The following ZRANB3 variants were observed in gnomAD, a reference collection of about 807,000 sequenced individuals.
The protein encoded by ZRANB3 is zinc finger RANBP2-type containing 3, also known as DNA annealing helicase and endonuclease ZRANB3.
Under a neutral mutation model 133.8 loss-of-function variants are expected in ZRANB3, and 125 were observed. The observed-to-expected ratio is 0.93, with a 90% CI of 0.81 to 1.08. ZRANB3 has a LOEUF of 1.08. Among genes scored for constraint, ZRANB3 ranks in the 50% least tolerant of loss-of-function variants. ZRANB3 has a pLI of 0.00. For missense variants in ZRANB3, 1,229 were observed against 1,275.5 expected, an observed-to-expected ratio of 0.96 and a Z score of 0.56; for synonymous variants, 387 against 432.7, an observed-to-expected ratio of 0.89 and a Z score of 1.31.
chr2:135,377,752 T>C (rs567923027), intron 3 of ZRANB3, among the ~76,000 whole-genome samples: 8 of 152,366 alleles, frequency 5.3e-5, no homozygotes, highest in African/African-American at 1.9e-4. Context: ...AGCTTTGTGA[T>C]GGTTAATACT....
chr2:135,442,718 ATAC>A (rs1342932678), intron 2 of ZRANB3, among the ~76,000 whole-genome samples: 1 of 152,200 alleles, frequency 6.6e-6, no homozygotes, highest in Non-Finnish European at 1.5e-5. Context: ...AGGATTATAA[ATAC>A]TACTACTATA....
chr2:135,516,902 G>GGTACACCAATCAAAAA (rs1427794215), intron 1 of ZRANB3, among the ~76,000 whole-genome samples: 5 of 152,026 alleles, frequency 3.3e-5, no homozygotes, highest in Non-Finnish European at 1.5e-5. Context: ...GTCACTTTCA[G>GGTACACCAATCAAAAA]GTACACCAAT....
chr2:135,305,009 C>T (rs563857491), intron 8 of ZRANB3, among the ~76,000 whole-genome samples: 1 of 152,068 alleles, frequency 6.6e-6, no homozygotes, highest in Non-Finnish European at 1.5e-5. Context: ...TGGGGTCTCA[C>T]TATGTCGCCC....
intron 2 of ZRANB3, among the ~76,000 whole-genome samples, chr2:135,428,511 T>C: frequency 6.6e-6 from 1 of 150,620 alleles, no homozygotes; most frequent in Middle Eastern, 3.5e-3. Context: ...TGGGACCTAA[T>C]TAACTAAGGA....
chr2:135,281,391 GT>G (rs1681097057), intron 8 of ZRANB3, among the ~76,000 whole-genome samples: 1 of 151,586 alleles, frequency 6.6e-6, no homozygotes, highest in Admixed American at 6.6e-5. Context: ...TTAGTCACAG[GT>G]AAATTGTGAT....
chr2:135,269,018 A>G lies in ZRANB3; in HGVS notation c.1330T>C (p.Tyr444His), dbSNP rs370567878. ...TCTAGGGTTCCATTTGCAATAAGGT[A>G]GTGAATATTCACAGAACTGCACTGG... ...IGQCSSVNIH[Y>H]LIANGTLDTL... is the part of the protein sequence containing the mutation. The change falls in exon 11 of 21, where the codon TAC becomes CAC. Residue 444 changes from tyrosine to histidine, a missense_variant. Physicochemically the swap from Tyr to His is moderately conservative, Grantham distance 83 (BLOSUM62 2). Transcript: ENST00000264159. The G allele has an allele frequency of 5.6e-6, 9 of 1,612,500 alleles. No individual in the cohort carries two copies. The highest frequency in any genetic ancestry group is 2.2e-5 in the South Asian group (2 of 90,764).
At chr2:135,268,890 C>G in intron 11 of ZRANB3, 72 bp downstream of exon 11, 2 of 1,421,680 alleles carry the variant, frequency 1.4e-6, no homozygotes, top group Non-Finnish European at 1.9e-6. Context: ...CACTAAAACT[C>G]AGCCTCTTAA....
chr2:135,416,645 C>A (rs1472520943), intron 2 of ZRANB3, among the ~76,000 whole-genome samples: 1 of 149,834 alleles, frequency 6.7e-6, no homozygotes, highest in African/African-American at 2.4e-5. Flanking sequence ...GAGCCCGCAT[C>A]GCCAAGTCAA....
rs1156857573 is a variant in ZRANB3, at chr2:135,494,163, A to AAGGG, written c.161+10162_161+10165dup. 3.1e-3 allele frequency among the ~76,000 whole-genome samples: 136 copies of AAGGG among 43,212 alleles called. 1 individual carries two copies. Among genetic ancestry groups the AAGGG allele is most frequent in the Middle Eastern group, 0.025 (1 of 40 alleles). 28.3% of individuals were successfully genotyped at this position (43,212 alleles called of 152,430 possible). A position where few individuals can be genotyped will look rare whatever the true frequency, so the allele number is the denominator to read the frequency against. ...GAAGGAAGGAAGGAAGGAAGGAAGG[A>AAGGG]AGGGAGGGAGGGAGGGAGGGAGGGA... On this transcript the variant is annotated intron_variant, in intron 2 of 20. Transcript: ENST00000264159.
At chr2:135,297,415 G>A (rs914535145) in intron 8 of ZRANB3, among the ~76,000 whole-genome samples, 3 of 152,134 alleles carry the variant, frequency 2.0e-5, no homozygotes, top group Non-Finnish European at 4.4e-5. Flanking sequence ...CGTTTGTGAA[G>A]CCCATTGGAA....
At chr2:135,351,708 A>G (rs1204315769) in intron 4 of ZRANB3, among the ~76,000 whole-genome samples, 1 of 152,180 alleles carries the variant, frequency 6.6e-6, no homozygotes, top group African/African-American at 2.4e-5. Flanking sequence ...CCATGTCTTG[A>G]CTTGTAAACA....
intron 12 of ZRANB3, among the ~76,000 whole-genome samples, chr2:135,247,658 A>G (rs1211339894): frequency 6.6e-6 from 1 of 152,172 alleles, no homozygotes; most frequent in Non-Finnish European, 1.5e-5. Context: ...CAGGTGGATA[A>G]GCAGCAACAG....
intron 5 of ZRANB3, among the ~76,000 whole-genome samples, chr2:135,346,058 G>A (rs1024257115): frequency 6.6e-6 from 1 of 152,166 alleles, no homozygotes; most frequent in Middle Eastern, 3.2e-3. Flanking sequence ...AAACAGACTC[G>A]TGATATTGGA....
At chr2:135,345,498 T>A in intron 6 of ZRANB3, 52 bp downstream of exon 6, 12 of 1,246,416 alleles carry the variant, frequency 9.6e-6, no homozygotes. Context: ...AATAAAGCAA[T>A]GTTCACAGTA....
intron 3 of ZRANB3, among the ~76,000 whole-genome samples, chr2:135,364,472 G>A (rs1215283174): frequency 6.6e-6 from 1 of 152,190 alleles, no homozygotes; most frequent in Non-Finnish European, 1.5e-5. Context: ...TTGGGGCTGA[G>A]CACAGTGGCT....
intron 2 of ZRANB3, among the ~76,000 whole-genome samples, chr2:135,404,999 G>C (rs1164952955): frequency 6.6e-6 from 1 of 152,106 alleles, no homozygotes; most frequent in Non-Finnish European, 1.5e-5. Flanking sequence ...TGGACTAAAT[G>C]CTCCAATTAA....
At chr2:135,255,494 C>G (rs1446862557) in intron 12 of ZRANB3, among the ~76,000 whole-genome samples, 1 of 152,180 alleles carries the variant, frequency 6.6e-6, no homozygotes, top group Non-Finnish European at 1.5e-5. Context: ...CTCTGCTCAG[C>G]TTAGTGAAGC....
chr2:135,233,856 C>A (rs566538964), intron 12 of ZRANB3, among the ~76,000 whole-genome samples: 290 of 152,274 alleles, frequency 1.9e-3, no homozygotes, highest in African/African-American at 6.5e-3. Flanking sequence ...ATTGTAAAGA[C>A]CATCGAGGCT....
intron 2 of ZRANB3, among the ~76,000 whole-genome samples, chr2:135,448,875 C>T (rs1690143921): frequency 6.6e-6 from 1 of 152,160 alleles, no homozygotes; most frequent in African/African-American, 2.4e-5. Flanking sequence ...AATGGCTGCA[C>T]CAATACTTCC....
Sources: gnomAD v4.1 joint callset for allele counts (sites outside exome capture counted in the v4.1 genomes callset) on GRCh38, gnomAD v4.1.1 for gene constraint, MANE v1.5 for transcripts, NCBI Gene and HGNC (gene_info 2026-07-23, HGNC 2026-07-21) for gene names.